The following PTPRB variants were observed in gnomAD, a reference collection of about 807,000 sequenced individuals.
PTPRB encodes the protein protein tyrosine phosphatase receptor type B, also known as receptor-type tyrosine-protein phosphatase beta.
Under a neutral mutation model 238.1 loss-of-function variants are expected in PTPRB, and 97 were observed. The ratio of observed to expected loss-of-function variants is 0.41; its 90% CI spans 0.35 to 0.48. PTPRB has a LOEUF of 0.48. Ranked by LOEUF, PTPRB falls within the 20% of genes least tolerant of loss-of-function variation. The pLI, the probability that PTPRB is intolerant of heterozygous loss-of-function variation, is 0.30. For synonymous variants in PTPRB, 970 were observed against 995.4 expected, an observed-to-expected ratio of 0.97 and a Z score of 0.48; for missense variants, 2,292 against 2,681.9, an observed-to-expected ratio of 0.85 and a Z score of 3.21.
intron 10 of PTPRB, among the ~76,000 whole-genome samples, chr12:70,578,683 T>G (rs1390617479): frequency 1.3e-5 from 2 of 152,192 alleles, no homozygotes; most frequent in Admixed American, 6.5e-5. Context: ...TCCCACTTAC[T>G]TAAAGTACAC....
chr12:70,600,786 C>T (rs764972489), intron 4 of PTPRB, among the ~76,000 whole-genome samples: 6 of 152,176 alleles, frequency 3.9e-5, no homozygotes, highest in Non-Finnish European at 8.8e-5. Flanking sequence ...GTCTCAACCT[C>T]CTGGGCTCAA....
Position 70,596,126 on chromosome 12 carries a change from C to A in PTPRB, c.1181G>T (p.Gly394Val), listed in dbSNP as rs753818826. Reference protein sequence around the residue: ...NEYTFFNLTAGSKYNIAITAV... With the variant: ...NEYTFFNLTAVSKYNIAITAV... ...TGTGATGGCAATATTGTATTTACTA[C>A]CAGCAGTGAGATTGAAAAAAGTGTA... Residue 394 changes from glycine (G) to valine (V), a missense_variant, in exon 5 of 34, where the codon GGT (glycine) becomes GTT (valine). By Grantham distance (109) the Gly-to-Val change is moderately radical. Around this residue, in one of 4 missense-constraint regions of PTPRB, gnomAD observed 1,205 missense variants for 1,287.8 expected, o/e 0.94. Transcript: ENST00000334414. 6.2e-7 allele frequency: 1 copy of A among 1,613,350 alleles called. No homozygotes were observed. Among genetic ancestry groups the A allele is most frequent in the South Asian group, 1.1e-5 (1 of 91,034 alleles).
chr12:70,599,906 G>A (rs1178348829), intron 4 of PTPRB, among the ~76,000 whole-genome samples: 1 of 149,534 alleles, frequency 6.7e-6, no homozygotes, highest in Admixed American at 6.6e-5. Flanking sequence ...GGTATTGGAG[G>A]CTATAGTGCA....
rs59995097 is a variant in PTPRB at position 70,577,986 on chromosome 12, A to T, written c.2579-1341T>A. On this transcript the variant is annotated intron_variant, in intron 10 of 33. Transcript: ENST00000334414. Reference sequence around the variant, plus strand: ...CTTTAGTTGCTCTCAAAAGCAACTCATTATGCTTGTTTTTAAAAACTGCTG... The same window carrying T: ...CTTTAGTTGCTCTCAAAAGCAACTCTTTATGCTTGTTTTTAAAAACTGCTG... Among the ~76,000 whole-genome samples the T allele has an allele frequency of 4.4e-3, 670 of 152,186 alleles. 5 individuals are homozygous for T. Among genetic ancestry groups the T allele is most frequent in the African/African-American group, 0.016 (645 of 41,540 alleles).
chr12:70,560,891 C>T lies in PTPRB; in HGVS notation c.4212G>A (p.Thr1404=), dbSNP rs751246603. 36 of 1,613,448 alleles carry T rather than the reference C, an allele frequency of 2.2e-5. No individual in the cohort carries two copies. The highest frequency in any genetic ancestry group is 2.0e-4 in the East Asian group (9 of 44,896). ...VSHLRGSNRN[T]TDSLWFNWSP... Reference sequence around the variant, plus strand: ...TCCAGTTGAACCAAAGGCTGTCTGTCGTGTTCCGATTGGACCCCCTGAGAT... The same window carrying T: ...TCCAGTTGAACCAAAGGCTGTCTGTTGTGTTCCGATTGGACCCCCTGAGAT... Residue 1404 remains threonine, a synonymous_variant, in exon 17 of 34, where the codon ACG becomes ACA. Coordinates refer to ENST00000334414, the MANE Select transcript of PTPRB (RefSeq NM_001109754.4). The surrounding 1 kb of genome is among the most constrained non-coding windows in gnomAD (Gnocchi z 4.2).
chr12:70,588,291 C>T (rs1882143760), intron 8 of PTPRB, among the ~76,000 whole-genome samples: 2 of 152,112 alleles, frequency 1.3e-5, no homozygotes, highest in South Asian at 4.1e-4. Flanking sequence ...TTATTTACAT[C>T]GAGGCCTACT....
At chr12:70,523,087 T>A (rs1212327339) in intron 33 of PTPRB, among the ~76,000 whole-genome samples, 1 of 152,052 alleles carries the variant, frequency 6.6e-6, no homozygotes, top group Non-Finnish European at 1.5e-5. Context: ...GGTCTTGAGC[T>A]CCTGACCTCA....
rs376092959 is a variant in PTPRB at position 70,636,067 on chromosome 12, C to T, written c.56-1G>A. The T allele has an allele frequency of 1.1e-4, 171 of 1,601,262 alleles. No individual in the cohort carries two copies. The South Asian group carries it at 1.7e-3, about 16-fold the overall frequency. On this transcript the variant is annotated splice_acceptor_variant, in intron 1 of 33. Coordinates refer to ENST00000334414, the MANE Select transcript of PTPRB (RefSeq NM_001109754.4). LOFTEE classifies it high-confidence loss of function. ...TGGACATGGACAATCTGAAACCCTTCTGGAAGATGAAAAGCTCATAAAGCA... is the reference window on the plus strand; with the variant it reads ...TGGACATGGACAATCTGAAACCCTTTTGGAAGATGAAAAGCTCATAAAGCA...
rs1240160040 is a variant in PTPRB at position 70,517,603 on chromosome 12, C to G, written c.*3886G>C. 1 of 152,200 alleles carries G rather than the reference C, an allele frequency of 6.6e-6. No individual in the cohort carries two copies. Among genetic ancestry groups the G allele is most frequent in the Non-Finnish European group, 1.5e-5 (1 of 68,042 alleles). 9.4% of individuals were successfully genotyped at this position (152,200 alleles called of 1,614,324 possible). A position where few individuals can be genotyped will look rare whatever the true frequency, so the allele number is the denominator to read the frequency against. Reference sequence around the variant, plus strand: ...GGATCAGTTATTCCTTATTGCCACTCTGTCTTGGCTAATCAGTTATATTTT... The same window carrying G: ...GGATCAGTTATTCCTTATTGCCACTGTGTCTTGGCTAATCAGTTATATTTT... On this transcript the variant is annotated 3_prime_UTR_variant, in exon 34 of 34. Coordinates refer to ENST00000334414, the MANE Select transcript of PTPRB (RefSeq NM_001109754.4).
intron 4 of PTPRB, among the ~76,000 whole-genome samples, chr12:70,597,226 A>C (rs1883112198): frequency 6.6e-6 from 1 of 152,036 alleles, no homozygotes; most frequent in African/African-American, 2.4e-5. Flanking sequence ...CTGGCCCCCT[A>C]TATCCCTAGG....
At chr12:70,557,459 T>C (rs11611867) in intron 18 of PTPRB, among the ~76,000 whole-genome samples, 74,143 of 151,928 alleles carry the variant, frequency 0.49, 19,956 homozygotes, top group African/African-American at 0.73. Flanking sequence ...GCACTGAGTC[T>C]CTCTTTCATG....
Position 70,518,655 on chromosome 12 carries a change from T to C in PTPRB, c.*2834A>G, listed in dbSNP as rs1871375087. The C allele has an allele frequency of 6.6e-6, 1 of 151,984 alleles. No homozygotes were observed. The highest frequency in any genetic ancestry group is 6.6e-5 in the Admixed American group (1 of 15,254). The allele number at this position is 151,984 out of a possible 1,614,324, so 9.4% of individuals were successfully genotyped here. A position where few individuals can be genotyped will look rare whatever the true frequency, so the allele number is the denominator to read the frequency against. On this transcript the variant is annotated 3_prime_UTR_variant, in exon 34 of 34. Coordinates refer to ENST00000334414, the MANE Select transcript of PTPRB (RefSeq NM_001109754.4). ...TAGGACAAATATGTGCAAGCCCAGG[T>C]AAGAGAGGTGAGTCTTTGAAAATTC...
chr12:70,571,434 A>G, intron 12 of PTPRB, 145 bp from the exon 13 acceptor site: 1 of 837,846 alleles, frequency 1.2e-6, no homozygotes, highest in Non-Finnish European at 1.8e-6. Context: ...TAATTAAACA[A>G]GAAAAATTGG....
rs539639647 is a variant in PTPRB, at chr12:70,516,202, G to A, written c.*5287C>T. ...TTATTTATGCTTCACACAAATGAAGGAATGGCTAGATTAACCTGCACGGAC... is the reference window on the plus strand; with the variant it reads ...TTATTTATGCTTCACACAAATGAAGAAATGGCTAGATTAACCTGCACGGAC... On this transcript the variant is annotated 3_prime_UTR_variant, in exon 34 of 34. Transcript: ENST00000334414. 2.0e-5 allele frequency: 3 copies of A among 152,110 alleles called. No individual in the cohort carries two copies. The highest frequency in any genetic ancestry group is 2.0e-4 in the Admixed American group (3 of 15,264). 9.4% of individuals were successfully genotyped at this position (152,110 alleles called of 1,614,324 possible).
At chr12:70,597,571 A>G (rs905723212) in intron 4 of PTPRB, among the ~76,000 whole-genome samples, 4 of 152,138 alleles carry the variant, frequency 2.6e-5, no homozygotes, top group Non-Finnish European at 5.9e-5. Context: ...ATTTTCAGAA[A>G]TCCAACATGG....
At chr12:70,562,709 A>C in intron 16 of PTPRB, 135 bp downstream of exon 16, 2 of 1,159,968 alleles carry the variant, frequency 1.7e-6, no homozygotes, top group Non-Finnish European at 2.4e-6. Flanking sequence ...TTAGGGTCAA[A>C]CAGCCTGAAA....
At chr12:70,527,835 C>G (rs1182707660) in intron 32 of PTPRB, 1 of 152,200 alleles carries the variant, frequency 6.6e-6, no homozygotes, top group East Asian at 1.9e-4. Flanking sequence ...CACAGGGGCT[C>G]AGCCACAGAT....
rs1016451283 is a variant in PTPRB, at chr12:70,555,152, T to A, written c.5143+8A>T. 57 of 1,612,960 alleles carry A rather than the reference T, an allele frequency of 3.5e-5. No individual in the cohort carries two copies. In the Admixed American group the frequency reaches 9.2e-4, roughly 26 times the overall value. Reference sequence around the variant, plus strand: ...GTCTCAGAGTGGAGTTAACTCATGATAACTTACCATCAGCCTCTCTCACCA... The same window carrying A: ...GTCTCAGAGTGGAGTTAACTCATGAAAACTTACCATCAGCCTCTCTCACCA... On this transcript the variant is annotated splice_region_variant and intron_variant, in intron 20 of 33. Transcript: ENST00000334414.
rs1882987671 is a variant in PTPRB at position 70,596,132 on chromosome 12, G to A, written c.1175C>T (p.Thr392Ile). 4 of 1,613,376 alleles carry A rather than the reference G, an allele frequency of 2.5e-6. No individual in the cohort carries two copies. Among genetic ancestry groups the A allele is most frequent in the Non-Finnish European group, 3.4e-6 (4 of 1,179,446 alleles). Residue 392 changes from threonine to isoleucine, a missense_variant, in exon 5 of 34, where the codon ACT becomes ATT. Physicochemically the swap from Thr to Ile is moderately conservative, Grantham distance 89 (BLOSUM62 -1). Coordinates refer to ENST00000334414, the MANE Select transcript of PTPRB (RefSeq NM_001109754.4). ...SWNEYTFFNL[T>I]AGSKYNIAIT... ...GGCAATATTGTATTTACTACCAGCA[G>A]TGAGATTGAAAAAAGTGTATTCATT...
Sources: allele counts gnomAD v4.1 joint callset (sites outside exome capture counted in the v4.1 genomes callset), GRCh38; gene constraint gnomAD v4.1.1; regional missense constraint gnomAD v4.1.1; non-coding constraint Gnocchi (gnomAD v3.1); transcripts MANE v1.5; gene names NCBI Gene and HGNC (gene_info 2026-07-23, HGNC 2026-07-21).